Variants in MACROD2 observed in about 807,000 individuals in gnomAD.
The protein encoded by MACROD2 is ADP-ribose glycohydrolase MACROD2.
Under a neutral mutation model 70.4 loss-of-function variants are expected in MACROD2, and 36 were observed. That is an observed-to-expected ratio of 0.51 (90% CI 0.39 to 0.68). The LOEUF is 0.68. MACROD2 is among the 30% of genes least tolerant of loss of function. MACROD2 has a pLI of 0.00. For synonymous variants in MACROD2, 172 were observed against 178.8 expected (o/e 0.96, Z 0.30); for missense variants, 496 against 538.4 (o/e 0.92, Z 0.78).
intron 5 of MACROD2, among the ~76,000 whole-genome samples, chr20:15,195,975 C>G (rs1184983950): frequency 6.6e-6 from 1 of 152,082 alleles, no homozygotes; most frequent in Non-Finnish European, 1.5e-5. Context: ...CAAACTAATG[C>G]AAGAACAGAA....
At chr20:15,281,277 T>C (rs1194007125) in intron 6 of MACROD2, among the ~76,000 whole-genome samples, 1 of 152,168 alleles carries the variant, frequency 6.6e-6, no homozygotes, top group African/African-American at 2.4e-5. Context: ...TCATGTCTTT[T>C]CACATTTCAA....
chr20:14,583,001 G>A (rs1323528916), intron 4 of MACROD2, among the ~76,000 whole-genome samples: 1 of 152,150 alleles, frequency 6.6e-6, no homozygotes, highest in Non-Finnish European at 1.5e-5. Context: ...GTGGTTGAGT[G>A]TGCAGAAGTA....
chr20:14,005,420 A>G (rs2052801160), intron 2 of MACROD2, among the ~76,000 whole-genome samples: 1 of 152,144 alleles, frequency 6.6e-6, no homozygotes. Flanking sequence ...GTTACCAATT[A>G]TGTAATAATT....
At chr20:15,069,308 A>C (rs961709355) in intron 5 of MACROD2, among the ~76,000 whole-genome samples, 18 of 152,216 alleles carry the variant, frequency 1.2e-4, no homozygotes, top group Admixed American at 2.0e-4. Context: ...AGAGCTTAAA[A>C]ATTTGGAAAA....
chr20:15,576,499 T>C (rs1204840234), intron 8 of MACROD2, among the ~76,000 whole-genome samples: 1 of 151,856 alleles, frequency 6.6e-6, no homozygotes, highest in Non-Finnish European at 1.5e-5. Flanking sequence ...ATTTTTCTGG[T>C]CAAAAATTGC....
At chr20:15,156,368 T>C (rs903343057) in intron 5 of MACROD2, among the ~76,000 whole-genome samples, 8 of 152,236 alleles carry the variant, frequency 5.3e-5, no homozygotes, top group Non-Finnish European at 8.8e-5. Context: ...AAATTATTAC[T>C]TTTCATCTTA....
chr20:14,076,420 G>A (rs548603784), intron 2 of MACROD2, among the ~76,000 whole-genome samples: 1 of 152,212 alleles, frequency 6.6e-6, no homozygotes, highest in Admixed American at 6.5e-5. Context: ...GGAGGCCAAG[G>A]CGGGAGGATC....
intron 3 of MACROD2, among the ~76,000 whole-genome samples, chr20:14,411,861 C>T (rs6042715): frequency 0.018 from 2,690 of 152,182 alleles, 89 homozygotes; most frequent in African/African-American, 0.061. Context: ...AGCTTGATAG[C>T]TCTCTGTTCT....
intron 8 of MACROD2, among the ~76,000 whole-genome samples, chr20:15,798,431 G>T (rs919353402): frequency 6.6e-6 from 1 of 152,116 alleles, no homozygotes; most frequent in Admixed American, 6.5e-5. Flanking sequence ...CTCACAGCAT[G>T]GTGTCTGAGT....
At chr20:14,771,676 T>G in intron 5 of MACROD2, among the ~76,000 whole-genome samples, 1 of 135,218 alleles carries the variant, frequency 7.4e-6, no homozygotes, top group Non-Finnish European at 1.6e-5. Context: ...CACACATATA[T>G]ATATATATTT....
chr20:15,111,743 G>A (rs1416218545), intron 5 of MACROD2, among the ~76,000 whole-genome samples: 1 of 152,204 alleles, frequency 6.6e-6, no homozygotes, highest in Non-Finnish European at 1.5e-5. Context: ...TTGTTTTAGA[G>A]AGGACAACTT....
At chr20:15,868,167 T>C (rs2064520262) in intron 9 of MACROD2, among the ~76,000 whole-genome samples, 1 of 152,192 alleles carries the variant, frequency 6.6e-6, no homozygotes, top group African/African-American at 2.4e-5. Flanking sequence ...ATTGGGGTTA[T>C]TTTACAGTGT....
At chr20:14,278,991 G>T (rs1296101629) in intron 3 of MACROD2, among the ~76,000 whole-genome samples, 1 of 152,106 alleles carries the variant, frequency 6.6e-6, no homozygotes, top group Non-Finnish European at 1.5e-5. Context: ...TGAGGAGCTG[G>T]GGGTAATGTA....
intron 5 of MACROD2, among the ~76,000 whole-genome samples, chr20:15,222,702 C>G (rs1373425708): frequency 6.6e-6 from 1 of 152,178 alleles, no homozygotes; most frequent in Non-Finnish European, 1.5e-5. Context: ...TGATTCTACA[C>G]TTGGTCTGAC....
chr20:14,587,708 A>G (rs1283776229), intron 4 of MACROD2, among the ~76,000 whole-genome samples: 1 of 145,116 alleles, frequency 6.9e-6, no homozygotes, highest in Non-Finnish European at 1.5e-5. Context: ...TTCATTAGTA[A>G]ATTTTATAAT....
intron 5 of MACROD2, among the ~76,000 whole-genome samples, chr20:14,840,016 T>C (rs899971691): frequency 6.6e-6 from 1 of 150,554 alleles, no homozygotes; most frequent in African/African-American, 2.4e-5. Context: ...ATAAAACATC[T>C]TTTAGAGTCT....
intron 8 of MACROD2, among the ~76,000 whole-genome samples, chr20:15,600,303 TC>T (rs1168379945): frequency 1.3e-5 from 2 of 152,328 alleles, no homozygotes; most frequent in African/African-American, 4.8e-5. Context: ...TGGCAGCCTG[TC>T]TTTACTTCCT....
chr20:15,095,047 C>T (rs2075818639), intron 5 of MACROD2, among the ~76,000 whole-genome samples: 1 of 130,736 alleles, frequency 7.6e-6, no homozygotes, highest in South Asian at 2.6e-4. Context: ...TATATCTTTT[C>T]ACTGTGGTCT....
At chr20:14,051,366 A>G (rs750087446) in intron 2 of MACROD2, among the ~76,000 whole-genome samples, 1 of 152,128 alleles carries the variant, frequency 6.6e-6, no homozygotes, top group Non-Finnish European at 1.5e-5. Flanking sequence ...ATAATCTCCA[A>G]CCTATACTTT....
Sources: allele counts gnomAD v4.1 joint callset (sites outside exome capture counted in the v4.1 genomes callset), GRCh38; gene constraint gnomAD v4.1.1; transcripts MANE v1.5; gene names NCBI Gene and HGNC (gene_info 2026-07-23, HGNC 2026-07-21).